TTC27: variants seen among roughly 807,000 people sequenced by gnomAD.
TTC27 encodes tetratricopeptide repeat domain 27.
A neutral mutation model predicts 115.9 loss-of-function variants in TTC27; 79 were observed. The ratio of observed to expected loss-of-function variants is 0.68; its 90% CI spans 0.57 to 0.82. The LOEUF is 0.82. TTC27 is among the 40% of genes least tolerant of loss of function. TTC27 has a pLI of 0.00. For missense variants in TTC27, 1,054 were observed against 993.1 expected, an observed-to-expected ratio of 1.06 and a Z score of -0.82; for synonymous variants, 401 against 356.0, an observed-to-expected ratio of 1.13 and a Z score of -1.42.
At chr2:32,767,631 T>C (rs1011411472) in intron 13 of TTC27, among the ~76,000 whole-genome samples, 5 of 151,318 alleles carry the variant, frequency 3.3e-5, no homozygotes, top group African/African-American at 1.2e-4. Flanking sequence ...CCGGCTAATT[T>C]TTTGTATTTT....
At chr2:32,668,681 C>T (rs936734108) in intron 7 of TTC27, among the ~76,000 whole-genome samples, 1 of 151,774 alleles carries the variant, frequency 6.6e-6, no homozygotes, top group African/African-American at 2.4e-5. Context: ...CTCAACCTCC[C>T]AAAGTGCTGG....
chr2:32,707,536 C>A (rs932167883), intron 10 of TTC27, among the ~76,000 whole-genome samples: 1 of 152,096 alleles, frequency 6.6e-6, no homozygotes, highest in African/African-American at 2.4e-5. Flanking sequence ...CTGTCTTGCT[C>A]AAGTCTACTT....
At chr2:32,661,013 T>A (rs1458215237) in intron 5 of TTC27, among the ~76,000 whole-genome samples, 7 of 152,216 alleles carry the variant, frequency 4.6e-5, no homozygotes, top group Non-Finnish European at 8.8e-5. Context: ...CAACACCATT[T>A]ATTAAATAGG....
intron 16 of TTC27, among the ~76,000 whole-genome samples, chr2:32,809,784 T>C (rs1379607940): frequency 6.6e-6 from 1 of 152,150 alleles, no homozygotes; most frequent in African/African-American, 2.4e-5. Context: ...TCAAAGCATC[T>C]GGGATAGAAT....
intron 16 of TTC27, among the ~76,000 whole-genome samples, chr2:32,788,003 T>C (rs1018328859): frequency 6.6e-6 from 1 of 152,140 alleles, no homozygotes; most frequent in Non-Finnish European, 1.5e-5. Context: ...TTTCTACACT[T>C]AGCACCTTGG....
At chr2:32,687,871 C>A (rs907624947) in intron 9 of TTC27, among the ~76,000 whole-genome samples, 1 of 152,094 alleles carries the variant, frequency 6.6e-6, no homozygotes, top group Non-Finnish European at 1.5e-5. Flanking sequence ...TATTTTAACA[C>A]CCCTCTGTCA....
intron 17 of TTC27, among the ~76,000 whole-genome samples, chr2:32,811,898 G>T (rs1033184118): frequency 1.3e-5 from 2 of 151,886 alleles, no homozygotes; most frequent in African/African-American, 4.8e-5. Context: ...TAATCTGTGG[G>T]ATTCTTAGCC....
At chr2:32,786,398 C>G (rs1057117084) in intron 15 of TTC27, among the ~76,000 whole-genome samples, 3 of 152,164 alleles carry the variant, frequency 2.0e-5, no homozygotes, top group Admixed American at 6.5e-5. Context: ...CTCAGCCACT[C>G]AAAAAGTGCT....
intron 13 of TTC27, among the ~76,000 whole-genome samples, chr2:32,774,284 G>A (rs1669925779): frequency 6.6e-6 from 1 of 150,548 alleles, no homozygotes; most frequent in South Asian, 2.1e-4. Flanking sequence ...CGGTTCAAGT[G>A]ATTCTCCCAC....
At chr2:32,685,789 C>T (rs1451899733) in intron 9 of TTC27, among the ~76,000 whole-genome samples, 1 of 152,082 alleles carries the variant, frequency 6.6e-6, no homozygotes, top group Non-Finnish European at 1.5e-5. Flanking sequence ...CCCCCTTAAG[C>T]TCAGAAAAAA....
intron 8 of TTC27, among the ~76,000 whole-genome samples, chr2:32,673,317 C>T (rs1043696890): frequency 6.6e-5 from 10 of 151,526 alleles, no homozygotes; most frequent in African/African-American, 1.2e-4. Context: ...CTCCGCCCCA[C>T]GGGCTCAAGC....
chr2:32,718,800 C>G (rs1667831783), intron 10 of TTC27, among the ~76,000 whole-genome samples: 1 of 152,196 alleles, frequency 6.6e-6, no homozygotes, highest in Non-Finnish European at 1.5e-5. Context: ...GGTCTTCCCT[C>G]TAAATCTTCC....
intron 2 of TTC27, among the ~76,000 whole-genome samples, chr2:32,631,079 G>A (rs545150014): frequency 2.0e-4 from 31 of 152,198 alleles, no homozygotes; most frequent in East Asian, 1.5e-3. Context: ...CGAGGCGGGC[G>A]GATCACATGA....
chr2:32,774,327 C>T (rs1043580379), intron 13 of TTC27, among the ~76,000 whole-genome samples: 12 of 151,840 alleles, frequency 7.9e-5, no homozygotes, highest in African/African-American at 2.4e-4. Context: ...ATTACAGACG[C>T]ATGCCTGCTC....
chr2:32,803,913 A>G (rs1437729710), intron 16 of TTC27, among the ~76,000 whole-genome samples: 1 of 151,976 alleles, frequency 6.6e-6, no homozygotes, highest in Non-Finnish European at 1.5e-5. Context: ...AGGCTGAGGC[A>G]TGAGAATCGC....
intron 12 of TTC27, among the ~76,000 whole-genome samples, chr2:32,754,345 T>TGC (rs1222922309): frequency 6.7e-6 from 1 of 149,348 alleles, no homozygotes; most frequent in Non-Finnish European, 1.5e-5. Context: ...TGGCGATGAC[T>TGC]CTTAACGAGC....
intron 12 of TTC27, among the ~76,000 whole-genome samples, chr2:32,750,070 C>T (rs1283881133): frequency 6.6e-6 from 1 of 152,156 alleles, no homozygotes; most frequent in Non-Finnish European, 1.5e-5. Context: ...AAGATCAAGG[C>T]AAGAATCATT....
chr2:32,733,985 A>G, intron 11 of TTC27, 62 bp downstream of exon 11: 8 of 1,094,998 alleles, frequency 7.3e-6, no homozygotes, highest in Admixed American at 2.2e-5. Context: ...TAAATGCATT[A>G]TAAATTGATG....
chr2:32,649,900 A>G (rs1186138297), intron 4 of TTC27, among the ~76,000 whole-genome samples: 2 of 151,950 alleles, frequency 1.3e-5, no homozygotes, highest in Non-Finnish European at 2.9e-5. Flanking sequence ...AGGAAGTCCA[A>G]GTGGCTAAAA....
Sources: allele counts gnomAD v4.1 joint callset (sites outside exome capture counted in the v4.1 genomes callset), GRCh38; gene constraint gnomAD v4.1.1; transcripts MANE v1.5; gene names NCBI Gene and HGNC (gene_info 2026-07-23, HGNC 2026-07-21).